The following OSER1 variants were observed in gnomAD, a reference collection of about 807,000 sequenced individuals.
OSER1 encodes the protein oxidative stress-responsive serine-rich protein 1.
Under a neutral mutation model 26.3 loss-of-function variants are expected in OSER1, and 15 were observed. The observed-to-expected ratio is 0.57, with a 90% CI of 0.38 to 0.88. OSER1 has a LOEUF of 0.88. Ranked by LOEUF, OSER1 falls within the 40% of genes least tolerant of loss-of-function variation. The probability of loss-of-function intolerance (pLI) is 0.00; values close to 1 mark genes in which losing one functional copy is unlikely to be tolerated. For synonymous variants in OSER1, 127 were observed against 128.2 expected, an observed-to-expected ratio of 0.99 and a Z score of 0.07; for missense variants, 313 against 353.9, an observed-to-expected ratio of 0.88 and a Z score of 0.93.
chr20:44,202,908 T>C (rs2072997556), intron 3 of OSER1, 53 bp downstream of exon 3: 2 of 1,047,368 alleles, frequency 1.9e-6, no homozygotes, highest in East Asian at 2.4e-5. Context: ...GAAAGGAAAA[T>C]CCAATACTAT....
At chr20:44,197,824 T>G in intron 3 of OSER1, 85 bp from the exon 4 acceptor site, 3 of 809,358 alleles carry the variant, frequency 3.7e-6, no homozygotes, top group Non-Finnish European at 1.9e-6. Flanking sequence ...GAAATTTACC[T>G]TCCCTCAGCT....
At chr20:44,204,846 T>C (rs892638767) in intron 2 of OSER1, among the ~76,000 whole-genome samples, 2 of 152,178 alleles carry the variant, frequency 1.3e-5, no homozygotes, top group Middle Eastern at 3.2e-3. Context: ...ATTTTACTTT[T>C]TTTTTTTTTG....
chr20:44,202,416 G>A (rs1433771444), intron 3 of OSER1, among the ~76,000 whole-genome samples: 4 of 151,868 alleles, frequency 2.6e-5, no homozygotes, highest in South Asian at 2.1e-4. Flanking sequence ...ACACACAAGC[G>A]AAACACTAAC....
intron 2 of OSER1, among the ~76,000 whole-genome samples, chr20:44,206,567 A>G (rs2073039412): frequency 6.6e-6 from 1 of 152,234 alleles, no homozygotes; most frequent in African/African-American, 2.4e-5. Flanking sequence ...ATGTATGATA[A>G]AATCCCTAGT....
chr20:44,198,187 T>A (rs1305219677), intron 3 of OSER1, among the ~76,000 whole-genome samples: 1 of 152,230 alleles, frequency 6.6e-6, no homozygotes, highest in African/African-American at 2.4e-5. Flanking sequence ...ATGCCATTAC[T>A]ATTAAATAGA....
chr20:44,204,103 T>A lies in OSER1; in HGVS notation c.78-1029A>T, dbSNP rs1467586785. On this transcript the variant is annotated intron_variant, in intron 2 of 3. Transcript: ENST00000255174. ...GGTTACGGTAAACTGTGATTTTTAC[T>A]TCTGTTTTTATCCTGTTTTGTTTTT... Among the ~76,000 whole-genome samples, 7 of 152,242 alleles carry A rather than the reference T, an allele frequency of 4.6e-5. No individual in the cohort carries two copies. In the East Asian group the frequency reaches 1.3e-3, roughly 29 times the overall value.
intron 2 of OSER1, among the ~76,000 whole-genome samples, chr20:44,205,563 T>A (rs1296577316): frequency 6.6e-6 from 1 of 152,234 alleles, no homozygotes; most frequent in East Asian, 1.9e-4. Context: ...TAACAACAAC[T>A]AACATCTAGT....
chr20:44,210,344 T>C (rs940732606), intron 1 of OSER1, among the ~76,000 whole-genome samples: 1 of 151,526 alleles, frequency 6.6e-6, no homozygotes, highest in African/African-American at 2.4e-5. Flanking sequence ...CCAAAGAGAA[T>C]GGGGCTCCGA....
At chr20:44,207,463 G>A (rs1470303531) in intron 1 of OSER1, 2 of 153,362 alleles carry the variant, frequency 1.3e-5, no homozygotes, top group African/African-American at 4.8e-5. Flanking sequence ...CTCTAGAGCA[G>A]TCCTGACCCA....
intron 1 of OSER1, chr20:44,207,674 G>A (rs1198288954): frequency 6.6e-6 from 1 of 152,136 alleles, no homozygotes; most frequent in Non-Finnish European, 1.5e-5. Context: ...ACTTCATTGT[G>A]CACATGAGTG....
intron 2 of OSER1, among the ~76,000 whole-genome samples, chr20:44,205,798 G>C (rs1465767248): frequency 1.3e-5 from 2 of 152,122 alleles, no homozygotes; most frequent in African/African-American, 4.8e-5. Flanking sequence ...AAATCAGCCA[G>C]GTGTGGTTGT....
rs1451710570 is a variant in OSER1 at position 44,198,812 on chromosome 20, T to C, written c.192-1073A>G. On this transcript the variant is annotated intron_variant, in intron 3 of 3. Transcript: ENST00000255174. Reference sequence around the variant, plus strand: ...AGTTTCAGTTACCTGCAGTCAACCATGGTCTGAAAATATTAAATAAAAAAT... The same window carrying C: ...AGTTTCAGTTACCTGCAGTCAACCACGGTCTGAAAATATTAAATAAAAAAT... 2.0e-5 allele frequency among the ~76,000 whole-genome samples: 3 copies of C among 152,166 alleles called. No homozygotes were observed. The East Asian group carries it at 5.8e-4, about 29-fold the overall frequency.
chr20:44,202,650 A>C (rs886368671), intron 3 of OSER1, among the ~76,000 whole-genome samples: 1 of 152,218 alleles, frequency 6.6e-6, no homozygotes, highest in Non-Finnish European at 1.5e-5. Flanking sequence ...TTTGTAAGTC[A>C]AGTTGACCAA....
intron 3 of OSER1, 60 bp from the exon 4 acceptor site, chr20:44,197,799 T>G: frequency 8.8e-7 from 1 of 1,133,292 alleles, no homozygotes; most frequent in South Asian, 1.5e-5. Flanking sequence ...CTAAACAGAT[T>G]CTTTATGACA....
At chr20:44,200,130 G>A (rs578206689) in intron 3 of OSER1, among the ~76,000 whole-genome samples, 3 of 152,174 alleles carry the variant, frequency 2.0e-5, no homozygotes, top group Non-Finnish European at 2.9e-5. Context: ...TCCAGCGCCC[G>A]CACTAGCTAA....
chr20:44,206,169 A>C (rs1181064068), intron 2 of OSER1, among the ~76,000 whole-genome samples: 3 of 152,224 alleles, frequency 2.0e-5, no homozygotes, highest in East Asian at 3.9e-4. Flanking sequence ...GGAAGTGAAT[A>C]ATAAACTTTA....
At chr20:44,205,018 T>C (rs952720132) in intron 2 of OSER1, among the ~76,000 whole-genome samples, 1 of 152,074 alleles carries the variant, frequency 6.6e-6, no homozygotes, top group Non-Finnish European at 1.5e-5. Flanking sequence ...TTTGTTTTTT[T>C]GCAGACGGGT....
rs2072920814 is a variant in OSER1, at chr20:44,196,516, T to TTA, written c.*534_*535dup. On this transcript the variant is annotated 3_prime_UTR_variant, in exon 4 of 4. Transcript: ENST00000255174. The stretch of plus-strand genomic sequence containing the variant: ...AACAATAGAGGGCAGGCCAGCTAGT[T>TTA]TATTCAAATTGAATCTAAACCTTAG... 6.5e-6 allele frequency: 1 copy of TTA among 153,712 alleles called. No individual in the cohort carries two copies. The highest frequency in any genetic ancestry group is 2.0e-4 in the South Asian group (1 of 4,940). 9.5% of individuals were successfully genotyped at this position (153,712 alleles called of 1,614,324 possible).
intron 3 of OSER1, 23 bp downstream of exon 3, chr20:44,202,938 T>C: frequency 7.8e-7 from 1 of 1,284,902 alleles, no homozygotes; most frequent in Middle Eastern, 1.9e-4. Flanking sequence ...GGAATAAAAA[T>C]CATCTCAATA....
Sources: allele counts gnomAD v4.1 joint callset (sites outside exome capture counted in the v4.1 genomes callset), GRCh38; gene constraint gnomAD v4.1.1; transcripts MANE v1.5; gene names NCBI Gene and HGNC (gene_info 2026-07-23, HGNC 2026-07-21).